FAM107A: variants seen among roughly 807,000 people sequenced by gnomAD.
FAM107A encodes the protein family with sequence similarity 107 member A, also known as actin-associated protein FAM107A.
A neutral mutation model predicts 13.7 loss-of-function variants in FAM107A; 19 were observed. That is an observed-to-expected ratio of 1.38 (90% CI 0.97 to 2.03). FAM107A has a LOEUF of 2.03. Among genes scored for constraint, FAM107A ranks in the 30% most tolerant of loss-of-function variants. The probability of loss-of-function intolerance (pLI) is 0.00; values close to 1 mark genes in which losing one functional copy is unlikely to be tolerated. For synonymous variants in FAM107A, 82 were observed against 74.5 expected (o/e 1.10, Z -0.52); for missense variants, 203 against 184.4 (o/e 1.10, Z -0.58).
chr3:58,572,729 T>G (rs1054267731), intron 1 of FAM107A: 7 of 152,170 alleles, frequency 4.6e-5, no homozygotes, highest in Admixed American at 1.3e-4. Flanking sequence ...GGTCTCTGTC[T>G]CTTCTGTTAA....
rs138164271 is a variant in FAM107A at position 58,599,857 on chromosome 3, G to A, written c.-69-10588C>T. 8.6e-3 allele frequency among the ~76,000 whole-genome samples: 1,296 copies of A among 151,306 alleles called. 19 individuals carry two copies. Among genetic ancestry groups the A allele is most frequent in the African/African-American group, 0.029 (1,206 of 41,174 alleles). On this transcript the variant is annotated intron_variant, in intron 1 of 3. Transcript: ENST00000465970. ...ACCCAGCTAATTTTTTGCATTTTTA[G>A]TAGAAATGGGGTTTCACCATGTTGG...
intron 1 of FAM107A, among the ~76,000 whole-genome samples, chr3:58,602,205 G>A (rs1448631358): frequency 1.3e-5 from 2 of 152,274 alleles, no homozygotes; most frequent in African/African-American, 2.4e-5. Context: ...GTCCACAAAC[G>A]TAAGAAAGAT....
chr3:58,616,530 C>T (rs1181088108), intron 1 of FAM107A, among the ~76,000 whole-genome samples: 2 of 103,468 alleles, frequency 1.9e-5, no homozygotes, highest in African/African-American at 7.0e-5. Context: ...GAGGAGAACA[C>T]ACACACACAC....
upstream of FAM107A, among the ~76,000 whole-genome samples, chr3:58,587,413 T>C (rs1164957225): frequency 1.3e-5 from 2 of 152,070 alleles, no homozygotes; most frequent in Non-Finnish European, 2.9e-5. Context: ...AGTTTCCTCA[T>C]CTGTAAAATC....
In FAM107A at chr3:58,604,150, T is replaced by C. The variant is rs2065774368; in HGVS notation, c.-69-14881A>G. On this transcript the variant is annotated intron_variant, in intron 1 of 3. Transcript: ENST00000465970. The surrounding 1 kb of genome is among the most constrained non-coding windows in gnomAD (Gnocchi z 4.1). Reference sequence around the variant, plus strand: ...GAGCCACAAAAAGCCTTTGTGTTTCTGTAAAGGTCCCTGAAGATTGTACTC... The same window carrying C: ...GAGCCACAAAAAGCCTTTGTGTTTCCGTAAAGGTCCCTGAAGATTGTACTC... Among the ~76,000 whole-genome samples, 5 of 151,910 alleles carry C rather than the reference T, an allele frequency of 3.3e-5. No individual in the cohort carries two copies. In the South Asian group the frequency reaches 1.0e-3, roughly 32 times the overall value.
At chr3:58,567,153 C>A in intron 3 of FAM107A, 55 bp downstream of exon 3, 6 of 1,606,550 alleles carry the variant, frequency 3.7e-6, no homozygotes, top group Non-Finnish European at 5.1e-6. Context: ...CAGAGCTCCT[C>A]CCTGGAGGAC....
intron 1 of FAM107A, among the ~76,000 whole-genome samples, chr3:58,614,360 G>A (rs2065881819): frequency 2.0e-5 from 3 of 152,134 alleles, no homozygotes; most frequent in Admixed American, 6.5e-5. Flanking sequence ...ATAAAATGAA[G>A]CAGGAAGTGT....
chr3:58,597,512 A>C (rs2065717925), intron 1 of FAM107A, among the ~76,000 whole-genome samples: 1 of 152,218 alleles, frequency 6.6e-6, no homozygotes, highest in Non-Finnish European at 1.5e-5. Flanking sequence ...GTCTTTATTT[A>C]CACCTCCATT....
At chr3:58,570,301 T>C (rs895778900) in intron 1 of FAM107A, 8 of 726,436 alleles carry the variant, frequency 1.1e-5, no homozygotes, top group African/African-American at 1.9e-5. Context: ...TTTGGATAAA[T>C]GCAGTGATAA....
upstream of FAM107A, among the ~76,000 whole-genome samples, chr3:58,579,058 G>T (rs528986894): frequency 6.6e-6 from 1 of 152,372 alleles, no homozygotes; most frequent in South Asian, 2.1e-4. Context: ...CATTCAGGAT[G>T]ACGTCAGGCA....
chr3:58,601,531 A>C (rs1056702765), intron 1 of FAM107A, among the ~76,000 whole-genome samples: 2 of 152,208 alleles, frequency 1.3e-5, no homozygotes, highest in African/African-American at 4.8e-5. Context: ...AACTTATTTT[A>C]GTGGTCCTAA....
upstream of FAM107A, among the ~76,000 whole-genome samples, chr3:58,581,198 G>A (rs983296593): frequency 6.6e-6 from 1 of 152,208 alleles, no homozygotes; most frequent in South Asian, 2.1e-4. Flanking sequence ...AAAGGGGGAA[G>A]CCCAGGGGCT....
upstream of FAM107A, among the ~76,000 whole-genome samples, chr3:58,588,348 A>G (rs913375522): frequency 4.9e-4 from 74 of 152,372 alleles, no homozygotes; most frequent in African/African-American, 1.7e-3. Context: ...CTTCAAGGCC[A>G]ACTGTTGGCC....
upstream of FAM107A, among the ~76,000 whole-genome samples, chr3:58,582,545 A>T (rs75180488): frequency 2.9e-3 from 435 of 152,292 alleles, no homozygotes; most frequent in African/African-American, 0.01. Flanking sequence ...GAGTTATTCC[A>T]CAGAGGTGAC....
At position 58,604,657 on chromosome 3, in the gene FAM107A, G is replaced by A. The variant is rs530295695; in HGVS notation, c.-69-15388C>T. Reference sequence around the variant, plus strand: ...ATCCTTGTGTTTCAAAGATTTTGGGGAATAAATTATTACTTTGCTCACACG... The same window carrying A: ...ATCCTTGTGTTTCAAAGATTTTGGGAAATAAATTATTACTTTGCTCACACG... On this transcript the variant is annotated intron_variant, in intron 1 of 3. Coordinates refer to the FAM107A transcript ENST00000465970. The surrounding 1 kb of genome is among the most constrained non-coding windows in gnomAD (Gnocchi z 4.1). 3.3e-5 allele frequency among the ~76,000 whole-genome samples: 5 copies of A among 152,236 alleles called. No homozygotes were observed. In the South Asian group the frequency reaches 1.0e-3, roughly 32 times the overall value.
intron 1 of FAM107A, among the ~76,000 whole-genome samples, chr3:58,620,327 C>T (rs1420094213): frequency 6.6e-6 from 1 of 152,188 alleles, no homozygotes; most frequent in East Asian, 1.9e-4. Flanking sequence ...CTGACCTTCC[C>T]AGCCACCCCT....
At chr3:58,589,086 C>T (rs1233272484), upstream of FAM107A, 5 of 688,218 alleles carry the variant, frequency 7.3e-6, no homozygotes, top group Non-Finnish European at 1.3e-5. Flanking sequence ...AGGGAGAAAC[C>T]AAACCAGCTG....
At chr3:58,622,742 G>C (rs1326200532) in intron 1 of FAM107A, among the ~76,000 whole-genome samples, 2 of 152,218 alleles carry the variant, frequency 1.3e-5, no homozygotes, top group East Asian at 3.9e-4. Flanking sequence ...CAGAGACCAG[G>C]GCCCAGTGGG....
At chr3:58,578,641 T>C (rs1050540180), upstream of FAM107A, among the ~76,000 whole-genome samples, 2 of 152,190 alleles carry the variant, frequency 1.3e-5, no homozygotes, top group Admixed American at 6.5e-5. Flanking sequence ...AAGGCCAGCC[T>C]GGATGCTTAT....
Sources: allele counts gnomAD v4.1 joint callset (sites outside exome capture counted in the v4.1 genomes callset), GRCh38; gene constraint gnomAD v4.1.1; non-coding constraint Gnocchi (gnomAD v3.1); transcripts MANE v1.5; gene names NCBI Gene and HGNC (gene_info 2026-07-23, HGNC 2026-07-21).